The following PCDHA1 variants were observed in gnomAD, a reference collection of about 807,000 sequenced individuals.
PCDHA1 encodes protocadherin alpha 1, also known as protocadherin alpha-1.
Under a neutral mutation model 61.3 loss-of-function variants are expected in PCDHA1, and 42 were observed. The observed-to-expected ratio is 0.69, with a 90% CI of 0.54 to 0.89. The LOEUF (loss-of-function observed/expected upper bound fraction) is 0.89. Among genes scored for constraint, PCDHA1 ranks in the 40% least tolerant of loss-of-function variants. The probability of loss-of-function intolerance (pLI) is 0.00; values close to 1 mark genes in which losing one functional copy is unlikely to be tolerated. For synonymous variants in PCDHA1, 610 were observed against 553.8 expected, an observed-to-expected ratio of 1.10 and a Z score of -1.43; for missense variants, 1,256 against 1,235.3, an observed-to-expected ratio of 1.02 and a Z score of -0.25.
intron 1 of PCDHA1, among the ~76,000 whole-genome samples, chr5:140,948,744 C>A (rs868917864): frequency 3.3e-5 from 5 of 151,312 alleles, no homozygotes; most frequent in South Asian, 2.1e-4. Flanking sequence ...GAGAATTTAT[C>A]AATTTTGCTG....
At chr5:140,832,000 T>C (rs1771797790) in intron 1 of PCDHA1, among the ~76,000 whole-genome samples, 1 of 152,228 alleles carries the variant, frequency 6.6e-6, no homozygotes. Flanking sequence ...TTCCATATTG[T>C]TTTCATTTTA....
chr5:140,809,548 G>C (rs782016802), intron 1 of PCDHA1: 2 of 1,612,158 alleles, frequency 1.2e-6, no homozygotes, highest in Non-Finnish European at 1.7e-6. Context: ...ATCAGCTGCA[G>C]ACAACTGAGG....
chr5:140,955,022 A>G (rs1468442096), intron 1 of PCDHA1, among the ~76,000 whole-genome samples: 2 of 152,182 alleles, frequency 1.3e-5, no homozygotes, highest in Non-Finnish European at 2.9e-5. Flanking sequence ...ACCATTTATT[A>G]AATAGGGAAT....
intron 1 of PCDHA1, among the ~76,000 whole-genome samples, chr5:140,827,455 G>A (rs1173734499): frequency 3.3e-5 from 5 of 152,188 alleles, no homozygotes; most frequent in African/African-American, 7.2e-5. Flanking sequence ...AGAACCTTAA[G>A]AGCATCTGAT....
intron 1 of PCDHA1, among the ~76,000 whole-genome samples, chr5:140,949,378 A>G (rs2094372256): frequency 6.6e-6 from 1 of 151,852 alleles, no homozygotes; most frequent in South Asian, 2.1e-4. Flanking sequence ...TGTCCTATCA[A>G]TTGCTCAGAG....
chr5:140,875,040 T>G (rs1369679625), intron 1 of PCDHA1, among the ~76,000 whole-genome samples: 1 of 152,234 alleles, frequency 6.6e-6, no homozygotes, highest in East Asian at 1.9e-4. Context: ...ATTTGAAAGA[T>G]TTCTACTTTG....
At chr5:140,788,863 CA>C (rs1254341440) in intron 1 of PCDHA1, 179 bp downstream of exon 1, 6 of 1,345,164 alleles carry the variant, frequency 4.5e-6, no homozygotes, top group Non-Finnish European at 1.9e-6. Context: ...AACTAGAAAG[CA>C]AAGAAAAATG....
chr5:140,849,613 G>C (rs2040993200), intron 1 of PCDHA1: 2 of 1,598,764 alleles, frequency 1.3e-6, no homozygotes, highest in Non-Finnish European at 1.7e-6. Context: ...GCCCTGATTA[G>C]TGTGATCGAC....
chr5:140,928,659 C>T (rs782522131), intron 1 of PCDHA1: 2 of 1,614,080 alleles, frequency 1.2e-6, no homozygotes, highest in African/African-American at 2.7e-5. Context: ...AGGATGCTGA[C>T]AGTGGTTCTA....
At chr5:140,935,894 CTTT>C (rs55841305) in intron 1 of PCDHA1, among the ~76,000 whole-genome samples, 2 of 136,728 alleles carry the variant, frequency 1.5e-5, no homozygotes, top group African/African-American at 2.7e-5. Context: ...TCAATATTAT[CTTT>C]TTTTTTTTTT....
intron 1 of PCDHA1, chr5:140,858,024 C>G: frequency 6.3e-7 from 1 of 1,596,700 alleles, no homozygotes; most frequent in Non-Finnish European, 8.6e-7. Context: ...CCGTCGCTGA[C>G]GGCCACGGCC....
chr5:140,847,929 T>C (rs1164805160), intron 1 of PCDHA1: 1 of 151,198 alleles, frequency 6.6e-6, no homozygotes, highest in African/African-American at 2.4e-5. Context: ...CACTAGAGAT[T>C]GCAACTCCTG....
At chr5:140,949,290 G>C (rs552572317) in intron 1 of PCDHA1, among the ~76,000 whole-genome samples, 5 of 151,900 alleles carry the variant, frequency 3.3e-5, no homozygotes, top group South Asian at 2.1e-4. Flanking sequence ...TGTATATTCT[G>C]TAATTGTTGG....
intron 1 of PCDHA1, chr5:140,823,980 G>T (rs2150131135): frequency 1.9e-6 from 3 of 1,614,052 alleles, no homozygotes; most frequent in East Asian, 2.2e-5. Flanking sequence ...CACGGGGCAA[G>T]CCCACTCTGT....
Position 140,858,345 on chromosome 5 carries a change from A to G in PCDHA1, c.2394+69661A>G, listed in dbSNP as rs782668038. 4 of 1,594,626 alleles carry G rather than the reference A, an allele frequency of 2.5e-6. 1 individual carries two copies. The African/African-American group carries it at 5.4e-5, about 21-fold the overall frequency. On this transcript the variant is annotated intron_variant, in intron 1 of 3. Coordinates refer to ENST00000504120, the MANE Select transcript of PCDHA1 (RefSeq NM_018900.4). ...TCTGGGGAGGGCCTGCCCAAGGCGGACCTCATGGCCTTCAGCCCCAGCCTT... is the reference window on the plus strand; with the variant it reads ...TCTGGGGAGGGCCTGCCCAAGGCGGGCCTCATGGCCTTCAGCCCCAGCCTT...
intron 1 of PCDHA1, chr5:140,876,882 G>C: frequency 1.2e-6 from 2 of 1,614,140 alleles, no homozygotes; most frequent in Non-Finnish European, 1.7e-6. Context: ...ACAACCCGCC[G>C]GGCTGCCACA....
chr5:140,947,321 A>C (rs1365578593), intron 1 of PCDHA1, among the ~76,000 whole-genome samples: 5 of 151,748 alleles, frequency 3.3e-5, no homozygotes, highest in East Asian at 3.9e-4. Flanking sequence ...AAGTCGGTTG[A>C]CCATAAATGT....
At chr5:140,988,169 A>G (rs1384072642) in intron 3 of PCDHA1, among the ~76,000 whole-genome samples, 3 of 152,128 alleles carry the variant, frequency 2.0e-5, no homozygotes. Flanking sequence ...TGTCATAGCA[A>G]TGACAGTCCT....
chr5:140,796,106 C>T lies in PCDHA1; in HGVS notation c.2394+7422C>T, dbSNP rs781833045. 6 of 1,614,214 alleles carry T rather than the reference C, an allele frequency of 3.7e-6. 1 individual carries two copies. In the South Asian group the frequency reaches 5.5e-5, roughly 15 times the overall value. ...ACGGTGTCGGATCGCGACTCTGGTA[C>T]GAATGGACATGTCACCTGCTCCCTG... On this transcript the variant is annotated intron_variant, in intron 1 of 3. Coordinates refer to ENST00000504120, the MANE Select transcript of PCDHA1 (RefSeq NM_018900.4).
Sources: gnomAD v4.1 joint callset for allele counts (sites outside exome capture counted in the v4.1 genomes callset) on GRCh38, gnomAD v4.1.1 for gene constraint, MANE v1.5 for transcripts, NCBI Gene and HGNC (gene_info 2026-07-23, HGNC 2026-07-21) for gene names.